Variants in GLO1 observed in about 807,000 individuals in gnomAD.
GLO1 encodes glyoxalase I.
GLO1 carries 28 observed loss-of-function variants against 26.0 expected under a neutral mutation model. The observed-to-expected ratio is 1.08, with a 90% CI of 0.80 to 1.48. The LOEUF (loss-of-function observed/expected upper bound fraction) is 1.48, where lower values mean the gene tolerates loss of function less well. GLO1 is among the 40% of genes most tolerant of loss of function. GLO1 has a pLI of 0.00. For missense variants in GLO1, 225 were observed against 224.8 expected, an observed-to-expected ratio of 1.00 and a Z score of -0.01; for synonymous variants, 78 against 77.6, an observed-to-expected ratio of 1.00 and a Z score of -0.03.
chr6:38,692,694 G>C (rs1440711393), intron 1 of GLO1, among the ~76,000 whole-genome samples: 2 of 151,716 alleles, frequency 1.3e-5, no homozygotes, highest in East Asian at 3.9e-4. Flanking sequence ...TCAAGTTAAA[G>C]AAATGCCCCC....
At chr6:38,701,649 T>C (rs1055038810) in intron 1 of GLO1, among the ~76,000 whole-genome samples, 2 of 152,116 alleles carry the variant, frequency 1.3e-5, no homozygotes, top group African/African-American at 4.8e-5. Context: ...TTTTTTACCT[T>C]CCCCCTTAAT....
intron 2 of GLO1, among the ~76,000 whole-genome samples, chr6:38,685,702 T>C (rs1384573680): frequency 6.6e-6 from 1 of 152,208 alleles, no homozygotes; most frequent in Non-Finnish European, 1.5e-5. Context: ...TCTCTGCACC[T>C]ACTAAAGCAG....
rs1292489583 is a variant in GLO1 at position 38,676,835 on chromosome 6, A to T, written c.*460T>A. 1 of 153,798 alleles carries T rather than the reference A, an allele frequency of 6.5e-6. No homozygotes were observed. The highest frequency in any genetic ancestry group is 1.4e-5 in the Non-Finnish European group (1 of 69,308). 9.5% of individuals were successfully genotyped at this position (153,798 alleles called of 1,614,324 possible). On this transcript the variant is annotated 3_prime_UTR_variant, in exon 6 of 6. Coordinates refer to ENST00000373365, the MANE Select transcript of GLO1 (RefSeq NM_006708.3). ...CTCTCAAGAGTACCTACTCTTTTGT[A>T]AAATAAACACTTTGTACTTTACTGA...
chr6:38,698,078 T>A (rs1761637801), intron 1 of GLO1, among the ~76,000 whole-genome samples: 1 of 152,168 alleles, frequency 6.6e-6, no homozygotes, highest in South Asian at 2.1e-4. Flanking sequence ...ATCTCAAACA[T>A]TTTCTATTTC....
chr6:38,694,724 A>G (rs895136772), intron 1 of GLO1, among the ~76,000 whole-genome samples: 1 of 151,572 alleles, frequency 6.6e-6, no homozygotes, highest in Non-Finnish European at 1.5e-5. Context: ...ATAATTTTAG[A>G]TTTTTCTATT....
chr6:38,686,060 C>G (rs1180493704), intron 2 of GLO1, among the ~76,000 whole-genome samples: 1 of 152,096 alleles, frequency 6.6e-6, no homozygotes, highest in Non-Finnish European at 1.5e-5. Context: ...TTCATTTTGT[C>G]CTTTAAATAT....
chr6:38,683,009 TAAG>T, intron 3 of GLO1, 134 bp from the exon 4 acceptor site: 1 of 603,646 alleles, frequency 1.7e-6, no homozygotes, highest in East Asian at 2.7e-5. Context: ...ACAAAAATAT[TAAG>T]TTTTCAACTA....
chr6:38,684,561 C>A, intron 2 of GLO1, 47 bp from the exon 3 acceptor site: 1 of 1,218,814 alleles, frequency 8.2e-7, no homozygotes, highest in South Asian at 2.3e-5. Context: ...ACAGGAAAGG[C>A]TAATTCATAC....
intron 3 of GLO1, among the ~76,000 whole-genome samples, chr6:38,683,580 A>G (rs1342314983): frequency 6.6e-6 from 1 of 152,192 alleles, no homozygotes; most frequent in South Asian, 2.1e-4. Flanking sequence ...AGGGTCTTAT[A>G]TTCTCTTATC....
intron 1 of GLO1, among the ~76,000 whole-genome samples, chr6:38,697,671 G>A (rs1167002768): frequency 6.6e-6 from 1 of 152,236 alleles, no homozygotes; most frequent in Admixed American, 6.5e-5. Context: ...GGGAAACTAG[G>A]GAGTTAACGA....
chr6:38,688,934 G>A (rs935441379), intron 1 of GLO1, among the ~76,000 whole-genome samples: 2 of 152,228 alleles, frequency 1.3e-5, no homozygotes, highest in Non-Finnish European at 2.9e-5. Context: ...GAGAGCGAGC[G>A]TGCGCGCGCA....
chr6:38,680,506 A>T (rs768501134), intron 5 of GLO1, among the ~76,000 whole-genome samples: 19 of 152,226 alleles, frequency 1.2e-4, no homozygotes, highest in Non-Finnish European at 2.6e-4. Flanking sequence ...GGGCAACAAG[A>T]GCGAAACTCC....
intron 1 of GLO1, 183 bp from the exon 2 acceptor site, chr6:38,687,157 G>C: frequency 1.0e-6 from 1 of 959,394 alleles, no homozygotes. Flanking sequence ...CAAAGTGTCA[G>C]AAAGTTTCCA....
At chr6:38,693,685 C>CTCTCTCTATATATATATATATA (rs869232489) in intron 1 of GLO1, among the ~76,000 whole-genome samples, 7 of 86,456 alleles carry the variant, frequency 8.1e-5, no homozygotes, top group Non-Finnish European at 1.2e-4. Context: ...CTCTCTCTCT[C>CTCTCTCTATATATATATATATA]TATATATATA....
chr6:38,682,763 A>T, intron 4 of GLO1, 45 bp downstream of exon 4: 1 of 1,019,514 alleles, frequency 9.8e-7, no homozygotes, highest in East Asian at 2.4e-5. Context: ...CATAATACAA[A>T]ATCACACAAA....
At chr6:38,700,209 C>T (rs1582783631) in intron 1 of GLO1, among the ~76,000 whole-genome samples, 1 of 152,272 alleles carries the variant, frequency 6.6e-6, no homozygotes, top group South Asian at 2.1e-4. Flanking sequence ...GGGTGGGTTC[C>T]CCCCGTATCA....
chr6:38,680,171 T>A (rs1761349885), intron 5 of GLO1, among the ~76,000 whole-genome samples: 1 of 152,234 alleles, frequency 6.6e-6, no homozygotes, highest in Non-Finnish European at 1.5e-5. Context: ...AAAACTGTCC[T>A]TCAGACATAA....
chr6:38,693,767 G>A (rs1761567751), intron 1 of GLO1, among the ~76,000 whole-genome samples: 2 of 151,508 alleles, frequency 1.3e-5, no homozygotes, highest in South Asian at 4.2e-4. Context: ...CTGGAGTGCA[G>A]TGGAGCGATC....
At chr6:38,683,105 GAAT>G (rs1761407780) in intron 3 of GLO1, 2 of 477,676 alleles carry the variant, frequency 4.2e-6, no homozygotes, top group Non-Finnish European at 3.7e-6. Flanking sequence ...ACAATAATAA[GAAT>G]AATAATAATG....
Sources: gnomAD v4.1 joint callset for allele counts (sites outside exome capture counted in the v4.1 genomes callset) on GRCh38, gnomAD v4.1.1 for gene constraint, MANE v1.5 for transcripts, NCBI Gene and HGNC (gene_info 2026-07-23, HGNC 2026-07-21) for gene names.